Variants in CAPN14 observed in about 807,000 individuals in gnomAD.
CAPN14 encodes calpain-14.
A neutral mutation model predicts 101.3 loss-of-function variants in CAPN14; 94 were observed. The ratio of observed to expected loss-of-function variants is 0.93; its 90% CI spans 0.79 to 1.10. The LOEUF (loss-of-function observed/expected upper bound fraction) is 1.10, where lower values mean the gene tolerates loss of function less well. CAPN14 is among the 50% of genes least tolerant of loss of function. The probability of loss-of-function intolerance (pLI) is 0.00; values close to 1 mark genes in which losing one functional copy is unlikely to be tolerated. For missense variants in CAPN14, 837 were observed against 828.4 expected, an observed-to-expected ratio of 1.01 and a Z score of -0.13; for synonymous variants, 338 against 317.9, an observed-to-expected ratio of 1.06 and a Z score of -0.67.
At chr2:31,202,547 C>A (rs1321844913) in intron 3 of CAPN14, among the ~76,000 whole-genome samples, 1 of 152,274 alleles carries the variant, frequency 6.6e-6, no homozygotes, top group South Asian at 2.1e-4. Flanking sequence ...ACGCCACTCA[C>A]TTTTTCCAAA....
intron 1 of CAPN14, among the ~76,000 whole-genome samples, chr2:31,214,940 T>C (rs764413203): frequency 6.6e-6 from 1 of 151,352 alleles, no homozygotes; most frequent in South Asian, 2.1e-4. Context: ...CAGGGAGTCA[T>C]GGCCTGCTTG....
At chr2:31,216,929 C>A (rs1682672642) in intron 1 of CAPN14, among the ~76,000 whole-genome samples, 1 of 152,184 alleles carries the variant, frequency 6.6e-6, no homozygotes, top group South Asian at 2.1e-4. Flanking sequence ...GTGTTTTTCA[C>A]ATCTAATTTC....
chr2:31,201,178 T>C (rs559015068), intron 5 of CAPN14, among the ~76,000 whole-genome samples: 28 of 144,206 alleles, frequency 1.9e-4, no homozygotes, highest in Admixed American at 1.8e-3. Flanking sequence ...TGCGTGCATG[T>C]ATGTGCATGT....
At chr2:31,202,069 A>G in intron 4 of CAPN14, 65 bp downstream of exon 4, 9 of 1,550,056 alleles carry the variant, frequency 5.8e-6, no homozygotes, top group South Asian at 4.8e-5. Flanking sequence ...AGGTGAAGAC[A>G]TGGTCCTCCA....
chr2:31,189,158 T>A (rs1681053423), intron 13 of CAPN14, 115 bp downstream of exon 13: 4 of 894,794 alleles, frequency 4.5e-6, no homozygotes, highest in Non-Finnish European at 7.1e-6. Flanking sequence ...GCTCTCCCCA[T>A]CTCCCTTTTG....
intron 16 of CAPN14, among the ~76,000 whole-genome samples, chr2:31,181,353 G>A (rs1347374921): frequency 1.3e-5 from 2 of 151,382 alleles, no homozygotes; most frequent in Non-Finnish European, 2.9e-5. Context: ...CAAACTGGGG[G>A]ATTCTTTCCT....
At chr2:31,210,700 T>A (rs1323104477) in intron 1 of CAPN14, among the ~76,000 whole-genome samples, 1 of 152,190 alleles carries the variant, frequency 6.6e-6, no homozygotes, top group Non-Finnish European at 1.5e-5. Context: ...TTTTAATGTA[T>A]ACTTTTAGAG....
chr2:31,176,424 GTGAATGAATGAA>G (rs142199034), intron 21 of CAPN14, among the ~76,000 whole-genome samples, 151 bp downstream of exon 21: 1 of 152,094 alleles, frequency 6.6e-6, no homozygotes, highest in African/African-American at 2.4e-5. Context: ...TATTTGATGG[GTGAATGAATGAA>G]TGAATGAATG....
At chr2:31,195,170 A>G (rs1681402018) in intron 8 of CAPN14, among the ~76,000 whole-genome samples, 1 of 152,158 alleles carries the variant, frequency 6.6e-6, no homozygotes, top group African/African-American at 2.4e-5. Context: ...AGGGGGCTAC[A>G]TGAAAAAAAG....
chr2:31,210,772 T>C (rs1682355956), intron 1 of CAPN14, among the ~76,000 whole-genome samples: 2 of 152,248 alleles, frequency 1.3e-5, no homozygotes, highest in Non-Finnish European at 2.9e-5. Flanking sequence ...TTGTGTTTTA[T>C]ACTTTTTTTA....
intron 1 of CAPN14, among the ~76,000 whole-genome samples, chr2:31,232,081 C>G (rs1345602627): frequency 5.3e-5 from 8 of 151,944 alleles, no homozygotes. Flanking sequence ...TCTGATAATC[C>G]CCCCTCCCCT....
chr2:31,199,125 G>A (rs764483415), intron 7 of CAPN14, among the ~76,000 whole-genome samples: 1 of 152,240 alleles, frequency 6.6e-6, no homozygotes, highest in Non-Finnish European at 1.5e-5. Context: ...ATAAAGAAGT[G>A]TGTCAGAGAG....
At chr2:31,192,610 G>A (rs1048348113) in intron 10 of CAPN14, among the ~76,000 whole-genome samples, 2 of 152,108 alleles carry the variant, frequency 1.3e-5, no homozygotes, top group Admixed American at 6.5e-5. Flanking sequence ...GTGGAGGAAG[G>A]GACAGGGTCA....
chr2:31,185,861 T>G (rs1680875224), intron 16 of CAPN14, among the ~76,000 whole-genome samples: 1 of 152,242 alleles, frequency 6.6e-6, no homozygotes, highest in Admixed American at 6.5e-5. Context: ...AGCCTATTTC[T>G]TCTGTGTTCT....
intron 1 of CAPN14, among the ~76,000 whole-genome samples, chr2:31,205,813 A>C (rs2148694076): frequency 6.6e-6 from 1 of 151,750 alleles, no homozygotes; most frequent in South Asian, 2.1e-4. Flanking sequence ...CTTAGTGGGG[A>C]GGCAGGAGAA....
chr2:31,222,145 T>A (rs538733380), upstream of CAPN14, among the ~76,000 whole-genome samples: 25 of 152,344 alleles, frequency 1.6e-4, no homozygotes, highest in African/African-American at 5.8e-4. Context: ...AAGAGACTTA[T>A]GTTGAAATGA....
At chr2:31,229,606 G>C (rs543251572) in intron 1 of CAPN14, among the ~76,000 whole-genome samples, 1 of 148,452 alleles carries the variant, frequency 6.7e-6, no homozygotes, top group African/African-American at 2.5e-5. Context: ...TTGAACCCAG[G>C]AAGTAGAGGT....
At position 31,193,251 on chromosome 2, in the gene CAPN14, T is replaced by C. The variant is rs1164619480; in HGVS notation, c.994A>G (p.Ile332Val). Residue 332 changes from isoleucine (I) to valine (V), a missense_variant, in exon 10 of 22, where the codon ATC (isoleucine) becomes GTC (valine). Transcript: ENST00000403897. ...DFKTHFVLLV[I>V]CKLTPGLLSQ... ...AACAGGCCTGGGGTCAGTTTACAGA[T>C]AACCAGGAGCACGAAATGTGTTTTA... 2.6e-6 allele frequency: 4 copies of C among 1,551,660 alleles called. No individual in the cohort carries two copies. Among genetic ancestry groups the C allele is most frequent in the Non-Finnish European group, 3.5e-6 (4 of 1,147,024 alleles).
intron 16 of CAPN14, among the ~76,000 whole-genome samples, chr2:31,181,873 T>C (rs1305807925): frequency 2.6e-5 from 4 of 151,262 alleles, no homozygotes; most frequent in African/African-American, 7.3e-5. Context: ...TATGGCTGCA[T>C]AGTATTCCAT....
Sources: allele counts gnomAD v4.1 joint callset (sites outside exome capture counted in the v4.1 genomes callset), GRCh38; gene constraint gnomAD v4.1.1; transcripts MANE v1.5; gene names NCBI Gene and HGNC (gene_info 2026-07-23, HGNC 2026-07-21).